Variants in PYROXD1 observed in about 807,000 individuals in gnomAD.
The protein encoded by PYROXD1 is pyridine nucleotide-disulphide oxidoreductase domain 1.
In PYROXD1, 42 loss-of-function variants were observed where a neutral mutation model predicts 62.0. That is an observed-to-expected ratio of 0.68 (90% CI 0.53 to 0.88). The LOEUF (loss-of-function observed/expected upper bound fraction) is 0.88, where lower values mean the gene tolerates loss of function less well. PYROXD1 is among the 40% of genes least tolerant of loss of function. The pLI, the probability that PYROXD1 is intolerant of heterozygous loss-of-function variation, is 0.00. For synonymous variants in PYROXD1, 170 were observed against 206.4 expected (o/e 0.82, Z 1.51); for missense variants, 493 against 604.8 (o/e 0.82, Z 1.94).
At chr12:21,468,366 G>A (rs1168212946) in intron 11 of PYROXD1, 140 bp from the exon 12 acceptor site, 2 of 707,136 alleles carry the variant, frequency 2.8e-6, no homozygotes, top group Admixed American at 2.9e-5. Flanking sequence ...TTTTCTTTGG[G>A]ACTCTCCCCA....
intron 7 of PYROXD1, among the ~76,000 whole-genome samples, chr12:21,457,433 C>A (rs1020157794): frequency 1.5e-5 from 2 of 136,172 alleles, no homozygotes; most frequent in Non-Finnish European, 3.2e-5. Flanking sequence ...TGAAATGAAT[C>A]TTTTTTTTTT....
At chr12:21,446,350 G>A (rs963453917) in intron 3 of PYROXD1, among the ~76,000 whole-genome samples, 5 of 152,050 alleles carry the variant, frequency 3.3e-5, no homozygotes, top group Admixed American at 6.5e-5. Flanking sequence ...GCGTGAACCC[G>A]GGAGGCGGAG....
At chr12:21,447,706 G>C in intron 3 of PYROXD1, 1 of 173,116 alleles carries the variant, frequency 5.8e-6, no homozygotes. Context: ...CATGCATACT[G>C]CCAGGCGCGG....
In PYROXD1 at chr12:21,460,497, C is replaced by T. The variant is rs371912920; in HGVS notation, c.751-528C>T. ...GGAGTGCTGTGGTATGATCTTGGCTCGCTGCAACCTCTGCCTCCCGGGTTC... is the reference window on the plus strand; with the variant it reads ...GGAGTGCTGTGGTATGATCTTGGCTTGCTGCAACCTCTGCCTCCCGGGTTC... On this transcript the variant is annotated intron_variant, in intron 7 of 11. Transcript: ENST00000240651. Among the ~76,000 whole-genome samples the T allele has an allele frequency of 5.6e-3, 845 of 151,224 alleles. 6 individuals carry two copies. Among genetic ancestry groups the T allele is most frequent in the African/African-American group, 0.019 (783 of 41,180 alleles).
intron 5 of PYROXD1, among the ~76,000 whole-genome samples, chr12:21,453,639 G>A (rs1445135173): frequency 6.6e-6 from 1 of 152,022 alleles, no homozygotes; most frequent in African/African-American, 2.4e-5. Context: ...TCCCCTCTGT[G>A]TGATGATAAT....
Position 21,461,989 on chromosome 12 carries a change from TG to T in PYROXD1, c.881-17del. 6.6e-7 allele frequency: 1 copy of T among 1,511,412 alleles called. No individual in the cohort carries two copies. Among genetic ancestry groups the T allele is most frequent in the Non-Finnish European group, 9.2e-7 (1 of 1,091,176 alleles). The allele number at this position is 1,511,412 out of a possible 1,614,324, so 93.6% of individuals were successfully genotyped here. On this transcript the variant is annotated intron_variant, in intron 8 of 11. Transcript: ENST00000240651. ...CATTTACAAATAAAGTCTGTTTTTT[TG>T]GTTTTTTTTTCTTAAAGAGATGTGG...
At chr12:21,443,259 G>T in intron 2 of PYROXD1, among the ~76,000 whole-genome samples, 1 of 151,968 alleles carries the variant, frequency 6.6e-6, no homozygotes, top group Non-Finnish European at 1.5e-5. Flanking sequence ...TTACTTTTGA[G>T]AAAGTTTCCA....
At chr12:21,442,716 C>T (rs771318725) in intron 2 of PYROXD1, among the ~76,000 whole-genome samples, 9 of 152,204 alleles carry the variant, frequency 5.9e-5, no homozygotes, top group Non-Finnish European at 1.0e-4. Flanking sequence ...CCATGTCTCC[C>T]ACTCTAGGGT....
chr12:21,461,847 A>C (rs867375069), intron 8 of PYROXD1, among the ~76,000 whole-genome samples, 161 bp from the exon 9 acceptor site: 1 of 152,362 alleles, frequency 6.6e-6, no homozygotes, highest in African/African-American at 2.4e-5. Context: ...AAATTGCTTT[A>C]GCAAATATGC....
At chr12:21,466,734 T>C (rs960081713) in intron 10 of PYROXD1, among the ~76,000 whole-genome samples, 31 of 152,284 alleles carry the variant, frequency 2.0e-4, no homozygotes, top group Admixed American at 4.6e-4. Flanking sequence ...CATCCCTGTC[T>C]TATGCCAGTT....
chr12:21,470,242 A>G lies in PYROXD1; in HGVS notation c.*1488A>G, dbSNP rs1474125484. 6.2e-7 allele frequency: 1 copy of G among 1,609,358 alleles called. No homozygotes were observed. The highest frequency in any genetic ancestry group is 8.5e-7 in the Non-Finnish European group (1 of 1,178,222). The stretch of plus-strand genomic sequence containing the variant: ...TCTTAGCTCCTGTATTCTTAGAACC[A>G]GATTGCTGAAGCATGTTTGCAGCCT... On this transcript the variant is annotated 3_prime_UTR_variant, in exon 12 of 12. Transcript: ENST00000240651.
At chr12:21,466,616 A>T (rs528500339) in intron 10 of PYROXD1, among the ~76,000 whole-genome samples, 32 of 152,292 alleles carry the variant, frequency 2.1e-4, no homozygotes, top group African/African-American at 7.7e-4. Context: ...AAACAGGGAC[A>T]ATTTGACTTC....
rs1963753789 is a variant in PYROXD1 at position 21,459,216 on chromosome 12, G to A, written c.751-1809G>A. On this transcript the variant is annotated intron_variant, in intron 7 of 11. Transcript: ENST00000240651. ...TTTCCAACCTACAGGAAGGGAAAGA[G>A]GTTGAAGGTTAAGCCAATCACTAGC... 2.6e-5 allele frequency among the ~76,000 whole-genome samples: 4 copies of A among 152,302 alleles called. No homozygotes were observed. In the South Asian group the frequency reaches 8.3e-4, roughly 32 times the overall value.
At chr12:21,448,255 AG>A in intron 3 of PYROXD1, 1 of 406,754 alleles carries the variant, frequency 2.5e-6, no homozygotes, top group Middle Eastern at 7.4e-4. Context: ...GTGCTTCCCC[AG>A]GAACTTCAGT....
rs142770417 is a variant in PYROXD1 at position 21,455,660 on chromosome 12, TAAAC to T, written c.650-332_650-329del. Reference sequence around the variant, plus strand: ...TTGAAAAACTTTTAGATTATAAAATTAAACAAGAGTTTTGTACATTTTGGAGGTG... The same window carrying T: ...TTGAAAAACTTTTAGATTATAAAATTAAGAGTTTTGTACATTTTGGAGGTG... On this transcript the variant is annotated intron_variant, in intron 6 of 11. Coordinates refer to ENST00000240651, the MANE Select transcript of PYROXD1 (RefSeq NM_024854.5). Among the ~76,000 whole-genome samples, 4,875 of 151,800 alleles carry T rather than the reference TAAAC, an allele frequency of 0.032. 115 individuals carry two copies. Among genetic ancestry groups the T allele is most frequent in the Middle Eastern group, 0.068 (20 of 294 alleles).
At position 21,446,292 on chromosome 12, in the gene PYROXD1, G is replaced by A. The variant is rs527853106; in HGVS notation, c.285+826G>A. Reference sequence around the variant, plus strand: ...CAAAAAATTAGCCGGGTGTGGTGGCGTGCACCTGTTAGTCCCAGCTACTCG... The same window carrying A: ...CAAAAAATTAGCCGGGTGTGGTGGCATGCACCTGTTAGTCCCAGCTACTCG... On this transcript the variant is annotated intron_variant, in intron 3 of 11. Coordinates refer to ENST00000240651, the MANE Select transcript of PYROXD1 (RefSeq NM_024854.5). Among the ~76,000 whole-genome samples the A allele has an allele frequency of 1.5e-3, 220 of 149,026 alleles. 1 individual carries two copies. The highest frequency in any genetic ancestry group is 5.2e-3 in the African/African-American group (208 of 40,262).
intron 3 of PYROXD1, 141 bp from the exon 4 acceptor site, chr12:21,449,422 A>G: frequency 1.6e-6 from 1 of 620,376 alleles, no homozygotes; most frequent in Non-Finnish European, 2.7e-6. Context: ...AATTGCTATA[A>G]CAAAGAACTG....
intron 7 of PYROXD1, chr12:21,457,035 A>G (rs922698037): frequency 9.3e-6 from 3 of 322,390 alleles, no homozygotes; most frequent in Non-Finnish European, 1.8e-5. Flanking sequence ...TATTTCCACC[A>G]TATCTGCCTT....
chr12:21,444,741 A>C (rs1405507399), intron 2 of PYROXD1, among the ~76,000 whole-genome samples: 7 of 152,164 alleles, frequency 4.6e-5, no homozygotes, highest in Non-Finnish European at 1.0e-4. Flanking sequence ...GGAGCAGCTG[A>C]GGTTGAATAT....
Sources: gnomAD v4.1 joint callset for allele counts (sites outside exome capture counted in the v4.1 genomes callset) on GRCh38, gnomAD v4.1.1 for gene constraint, MANE v1.5 for transcripts, NCBI Gene and HGNC (gene_info 2026-07-23, HGNC 2026-07-21) for gene names.